Variants in DST observed in about 807,000 individuals in gnomAD.
DST encodes the protein bullous pemphigoid antigen.
DST carries 253 observed loss-of-function variants against 875.2 expected under a neutral mutation model. The ratio of observed to expected loss-of-function variants is 0.29; its 90% CI spans 0.26 to 0.32. The LOEUF is 0.32. Among genes scored for constraint, DST ranks in the 10% least tolerant of loss-of-function variants. The pLI is 1.00. For missense variants in DST, 8,287 were observed against 9,111.6 expected (o/e 0.91, Z 3.68); for synonymous variants, 3,124 against 3,197.1 (o/e 0.98, Z 0.77).
At chr6:56,885,639 G>C (rs980005722) in intron 3 of DST, among the ~76,000 whole-genome samples, 5 of 152,068 alleles carry the variant, frequency 3.3e-5, no homozygotes, top group Non-Finnish European at 5.9e-5. Flanking sequence ...TACAAAAAAG[G>C]CTTCAAAGAG....
At chr6:56,494,280 A>G in intron 82 of DST, 100 bp from the exon 83 acceptor site, 1 of 1,143,660 alleles carries the variant, frequency 8.7e-7, no homozygotes, top group South Asian at 2.1e-5. Context: ...TCATATATTC[A>G]TCTCTGTTTG....
At position 56,639,505 on chromosome 6, in the gene DST, G is replaced by A. The variant is rs1172689004; in HGVS notation, c.2804C>T (p.Ala935Val). Residue 935 changes from alanine (A) to valine (V), a missense_variant, in exon 21 of 104, where the codon GCT (alanine) becomes GTT (valine). By Grantham distance (64) the Ala-to-Val change is moderately conservative. Transcript: ENST00000680361. ...GGTGTTTCTCTCACTCCAGTCATAA[G>A]CAACTTCCTCCTCTTCTTTTTCATT... is the stretch of plus-strand genomic sequence containing the variant. The part of the protein sequence containing the change: ...WLNEKEEEEV[A>V]YDWSERNTNI... The A allele has an allele frequency of 6.2e-7, 1 of 1,613,654 alleles. No homozygotes were observed. Among genetic ancestry groups the A allele is most frequent in the Non-Finnish European group, 8.5e-7 (1 of 1,179,908 alleles).
At chr6:56,854,858 T>C (rs1371483348) in intron 3 of DST, among the ~76,000 whole-genome samples, 1 of 152,224 alleles carries the variant, frequency 6.6e-6, no homozygotes, top group Non-Finnish European at 1.5e-5. Context: ...AGTCAATACA[T>C]GCAAACTTTG....
chr6:56,921,379 A>T (rs892120722), intron 2 of DST, among the ~76,000 whole-genome samples: 2 of 152,224 alleles, frequency 1.3e-5, no homozygotes, highest in African/African-American at 4.8e-5. Flanking sequence ...ATCAGTTGAC[A>T]TCAAGAAAGA....
At chr6:56,936,582 G>A (rs1325121808) in intron 2 of DST, among the ~76,000 whole-genome samples, 1 of 151,802 alleles carries the variant, frequency 6.6e-6, no homozygotes, top group East Asian at 1.9e-4. Context: ...TTTTCTCACA[G>A]CCCCTAAACA....
intron 4 of DST, among the ~76,000 whole-genome samples, chr6:56,741,617 A>ATTATTTCAAAAGGGAG (rs1198488282): frequency 6.6e-6 from 1 of 152,210 alleles, no homozygotes; most frequent in Admixed American, 6.5e-5. Context: ...TTCCATACAC[A>ATTATTTCAAAAGGGAG]TTATTTCAAA....
chr6:56,774,113 C>CAAAAAAAA (rs59394529), intron 4 of DST, among the ~76,000 whole-genome samples: 2 of 76,170 alleles, frequency 2.6e-5, no homozygotes, highest in African/African-American at 8.9e-5. Context: ...GATTCTGTCT[C>CAAAAAAAA]AAAAAAAAAA....
intron 88 of DST, chr6:56,485,027 G>T: frequency 3.1e-6 from 1 of 327,226 alleles, no homozygotes; most frequent in Non-Finnish European, 5.6e-6. Flanking sequence ...CTTGAAATCT[G>T]TTTTAAAGCA....
chr6:56,791,787 C>CAAAA (rs139051174), intron 4 of DST, among the ~76,000 whole-genome samples: 18 of 78,048 alleles, frequency 2.3e-4, no homozygotes, highest in African/African-American at 6.4e-4. Context: ...GACCCTGTCT[C>CAAAA]AAAAAAAAAA....
At chr6:56,674,922 G>T (rs1588308004) in intron 9 of DST, among the ~76,000 whole-genome samples, 2 of 152,112 alleles carry the variant, frequency 1.3e-5, no homozygotes, top group East Asian at 3.9e-4. Flanking sequence ...CCTTCAATTT[G>T]AATGGAACCA....
intron 5 of DST, among the ~76,000 whole-genome samples, chr6:56,708,571 T>C (rs2099350305): frequency 6.6e-6 from 1 of 152,044 alleles, no homozygotes; most frequent in Non-Finnish European, 1.5e-5. Flanking sequence ...GAAAAGCAAA[T>C]GTCACTAACA....
chr6:56,565,311 G>A (rs891606589), intron 55 of DST, among the ~76,000 whole-genome samples: 1 of 151,768 alleles, frequency 6.6e-6, no homozygotes. Context: ...AGTAGAGATG[G>A]GGTTTCACCG....
At position 56,605,830 on chromosome 6, in the gene DST, G is replaced by GT. The variant is rs779215915; in HGVS notation, c.8797dup (p.Thr2933AsnfsTer10). On this transcript the variant is annotated frameshift_variant, in exon 40 of 104. Transcript: ENST00000680361. LOFTEE classifies it high-confidence loss of function. ...ATGTGAAATACTTGCAGGGCCAAAA[G>GT]TTTTTTCAGATTCAGTGTCTTTAAT... 1.2e-6 allele frequency: 2 copies of GT among 1,612,240 alleles called. No homozygotes were observed. The highest frequency in any genetic ancestry group is 1.7e-6 in the Non-Finnish European group (2 of 1,179,150).
At chr6:56,601,706 A>G in intron 43 of DST, 30 bp from the exon 44 acceptor site, 1 of 1,310,104 alleles carries the variant, frequency 7.6e-7, no homozygotes, top group Non-Finnish European at 1.1e-6. Context: ...AGCTATCAGT[A>G]GAAAGTTAAG....
chr6:56,469,875 A>G lies in DST; in HGVS notation c.22551+8T>C, dbSNP rs2152394198. ...TAAAGGAACTACAACATTACTTTGA[A>G]AACTTACCCTGTATTTATTATCACC... On this transcript the variant is annotated splice_region_variant and intron_variant, in intron 97 of 103. Transcript: ENST00000680361. The G allele has an allele frequency of 6.8e-6, 11 of 1,611,120 alleles. No homozygotes were observed. Among genetic ancestry groups the G allele is most frequent in the Non-Finnish European group, 9.3e-6 (11 of 1,177,414 alleles).
chr6:56,522,038 CT>C (rs1482711264), intron 69 of DST, among the ~76,000 whole-genome samples: 3 of 152,108 alleles, frequency 2.0e-5, no homozygotes, highest in African/African-American at 7.2e-5. Flanking sequence ...GCTACTGTAA[CT>C]TCTGTTTATA....
At chr6:56,947,267 T>TC (rs398039902) in intron 2 of DST, among the ~76,000 whole-genome samples, 1 of 148,154 alleles carries the variant, frequency 6.7e-6, no homozygotes, top group African/African-American at 2.5e-5. Flanking sequence ...TTTTTTTTTT[T>TC]CTGAGACAGA....
chr6:56,506,572 A>G, intron 76 of DST, 28 bp from the exon 77 acceptor site: 1 of 1,608,730 alleles, frequency 6.2e-7, no homozygotes, highest in Non-Finnish European at 8.5e-7. Flanking sequence ...GAATTCTTTT[A>G]GTGCCATATT....
At chr6:56,534,572 A>G (rs903110283) in intron 63 of DST, among the ~76,000 whole-genome samples, 13 of 152,238 alleles carry the variant, frequency 8.5e-5, no homozygotes, top group Non-Finnish European at 1.6e-4. Flanking sequence ...AGGTGGAACC[A>G]AAAGAAGCTG....
Sources: allele counts gnomAD v4.1 joint callset (sites outside exome capture counted in the v4.1 genomes callset), GRCh38; gene constraint gnomAD v4.1.1; transcripts MANE v1.5; gene names NCBI Gene and HGNC (gene_info 2026-07-23, HGNC 2026-07-21).